GATAD2B: variants seen among roughly 807,000 people sequenced by gnomAD.
GATAD2B encodes transcriptional repressor p66-beta.
GATAD2B carries 8 observed loss-of-function variants against 64.3 expected under a neutral mutation model. The ratio of observed to expected loss-of-function variants is 0.12; its 90% CI spans 0.07 to 0.22. GATAD2B has a LOEUF of 0.22. GATAD2B is among the 10% of genes least tolerant of loss of function. The pLI, the probability that GATAD2B is intolerant of heterozygous loss-of-function variation, is 1.00. For synonymous variants in GATAD2B, 281 were observed against 271.3 expected (o/e 1.04, Z -0.35); for missense variants, 453 against 752.0 (o/e 0.60, Z 4.65).
intron 1 of GATAD2B, among the ~76,000 whole-genome samples, chr1:153,861,781 C>CAAAAAAAAAAAAAAAAAAAAAA (rs869141712): frequency 2.3e-5 from 2 of 85,716 alleles, no homozygotes; most frequent in African/African-American, 8.6e-5. Flanking sequence ...GACTCCATTT[C>CAAAAAAAAAAAAAAAAAAAAAA]AAAAAAAAAA....
At chr1:153,866,778 C>CTTGTT (rs566297740) in intron 1 of GATAD2B, among the ~76,000 whole-genome samples, 70 of 151,946 alleles carry the variant, frequency 4.6e-4, no homozygotes, top group East Asian at 3.9e-3. Context: ...TCCAATGTAC[C>CTTGTT]TTGTTTTGTT....
chr1:153,845,617 C>T (rs1397909644), intron 1 of GATAD2B, among the ~76,000 whole-genome samples: 3 of 140,890 alleles, frequency 2.1e-5, no homozygotes, highest in Non-Finnish European at 4.5e-5. Context: ...TGGTAGTGCA[C>T]GCCTACAGTT....
intron 1 of GATAD2B, among the ~76,000 whole-genome samples, chr1:153,914,902 G>C (rs1459504825): frequency 6.6e-6 from 1 of 151,960 alleles, no homozygotes; most frequent in African/African-American, 2.4e-5. Flanking sequence ...ATTCCAATCT[G>C]GGCAACAGAG....
At chr1:153,921,300 T>C (rs984171362) in intron 1 of GATAD2B, among the ~76,000 whole-genome samples, 2 of 152,218 alleles carry the variant, frequency 1.3e-5, no homozygotes, top group African/African-American at 2.4e-5. Flanking sequence ...GGAGACTAGA[T>C]GGCTGGAGGA....
At chr1:153,899,785 A>C (rs563423491) in intron 1 of GATAD2B, among the ~76,000 whole-genome samples, 1 of 152,268 alleles carries the variant, frequency 6.6e-6, no homozygotes, top group African/African-American at 2.4e-5. Context: ...GTTGTTTCAG[A>C]AACTCTTATA....
chr1:153,892,851 C>T (rs542858827), intron 1 of GATAD2B, among the ~76,000 whole-genome samples: 5 of 151,980 alleles, frequency 3.3e-5, no homozygotes, highest in Middle Eastern at 3.4e-3. Context: ...CGTGCCACCA[C>T]GCCTGGCTAA....
intron 7 of GATAD2B, among the ~76,000 whole-genome samples, chr1:153,815,804 G>A (rs1052211994): frequency 6.6e-6 from 1 of 152,198 alleles, no homozygotes; most frequent in Non-Finnish European, 1.5e-5. Context: ...TGTAATCCTA[G>A]CACTTTAGGA....
At chr1:153,846,584 T>C (rs1675697185) in intron 1 of GATAD2B, among the ~76,000 whole-genome samples, 1 of 133,986 alleles carries the variant, frequency 7.5e-6, no homozygotes. Context: ...TTTTTTGAGA[T>C]GGAGTCTCAC....
chr1:153,851,748 G>T (rs1276702625), intron 1 of GATAD2B, among the ~76,000 whole-genome samples: 1 of 152,086 alleles, frequency 6.6e-6, no homozygotes, highest in East Asian at 1.9e-4. Flanking sequence ...GATCATACCA[G>T]AGCAGACACC....
chr1:153,918,086 T>G, intron 1 of GATAD2B, among the ~76,000 whole-genome samples: 1 of 152,202 alleles, frequency 6.6e-6, no homozygotes, highest in African/African-American at 2.4e-5. Context: ...TGATCAGCAT[T>G]CAAGGAGCAA....
At chr1:153,844,421 TAA>T (rs764420139) in intron 1 of GATAD2B, among the ~76,000 whole-genome samples, 9 of 80,260 alleles carry the variant, frequency 1.1e-4, no homozygotes, top group Non-Finnish European at 1.3e-4. Flanking sequence ...TAACAAATTA[TAA>T]AAAAAAAAAA....
At position 153,922,920 on chromosome 1, in the gene GATAD2B, A is replaced by AGCG. The variant is rs1293576462; in HGVS notation, c.-192_-190dup. 4 of 156,156 alleles carry AGCG rather than the reference A, an allele frequency of 2.6e-5. No individual in the cohort carries two copies. In the South Asian group the frequency reaches 5.1e-4, roughly 20 times the overall value. 9.7% of individuals were successfully genotyped at this position (156,156 alleles called of 1,614,324 possible). ...CAGACACTGCGGTACAGACGGGGGC[A>AGCG]GCGGCGGCGGCGACGGCTGCACCGG... is the stretch of plus-strand genomic sequence containing the variant. On this transcript the variant is annotated 5_prime_UTR_variant, in exon 1 of 11. Coordinates refer to ENST00000368655, the MANE Select transcript of GATAD2B (RefSeq NM_020699.4).
At chr1:153,914,168 G>A (rs929763894) in intron 1 of GATAD2B, among the ~76,000 whole-genome samples, 5 of 146,630 alleles carry the variant, frequency 3.4e-5, no homozygotes, top group East Asian at 4.0e-4. Flanking sequence ...GTTTGAACCC[G>A]GGAGGCGGAG....
intron 1 of GATAD2B, chr1:153,853,269 T>C: frequency 2.1e-6 from 2 of 955,126 alleles, no homozygotes; most frequent in Non-Finnish European, 3.4e-6. Context: ...TTCCCTGCCA[T>C]CTCACACACA....
intron 1 of GATAD2B, among the ~76,000 whole-genome samples, chr1:153,857,424 C>A (rs1453348680): frequency 6.6e-6 from 1 of 151,952 alleles, no homozygotes. Flanking sequence ...CTAGCCTGGG[C>A]GACAGAGGGA....
chr1:153,915,842 A>C (rs1678249006), intron 1 of GATAD2B, among the ~76,000 whole-genome samples: 1 of 152,178 alleles, frequency 6.6e-6, no homozygotes, highest in African/African-American at 2.4e-5. Context: ...AAACACCAAC[A>C]ACATAAAGGG....
intron 1 of GATAD2B, chr1:153,853,114 G>A: frequency 6.8e-7 from 1 of 1,461,864 alleles, no homozygotes; most frequent in East Asian, 2.3e-5. Context: ...TGAGTTGATG[G>A]CTGATTCAGA....
intron 1 of GATAD2B, among the ~76,000 whole-genome samples, chr1:153,876,604 G>A (rs1393269860): frequency 6.6e-6 from 1 of 152,186 alleles, no homozygotes; most frequent in Non-Finnish European, 1.5e-5. Flanking sequence ...GCTGCCTAGA[G>A]GTAATGAACA....
intron 1 of GATAD2B, among the ~76,000 whole-genome samples, chr1:153,851,175 C>T (rs1675885466): frequency 6.6e-6 from 1 of 152,126 alleles, no homozygotes; most frequent in Non-Finnish European, 1.5e-5. Context: ...GACTAGATAC[C>T]TCACATAAGT....
Sources: allele counts gnomAD v4.1 joint callset (sites outside exome capture counted in the v4.1 genomes callset), GRCh38; gene constraint gnomAD v4.1.1; transcripts MANE v1.5; gene names NCBI Gene and HGNC (gene_info 2026-07-23, HGNC 2026-07-21).